CSMD3: variants seen among roughly 807,000 people sequenced by gnomAD.
CSMD3 encodes CUB and sushi domain-containing protein 3.
CSMD3 carries 177 observed loss-of-function variants against 435.2 expected under a neutral mutation model. That is an observed-to-expected ratio of 0.41 (90% CI 0.36 to 0.46). The LOEUF (loss-of-function observed/expected upper bound fraction) is 0.46. CSMD3 is among the 20% of genes least tolerant of loss of function. The pLI, the probability that CSMD3 is intolerant of heterozygous loss-of-function variation, is 0.34. For synonymous variants in CSMD3, 1,656 were observed against 1,520.5 expected (o/e 1.09, Z -2.07); for missense variants, 4,265 against 4,504.6 (o/e 0.95, Z 1.52).
At chr8:112,480,359 C>G (rs1819512388) in intron 31 of CSMD3, among the ~76,000 whole-genome samples, 1 of 152,068 alleles carries the variant, frequency 6.6e-6, no homozygotes, top group Admixed American at 6.6e-5. Flanking sequence ...TGATTTAAGA[C>G]TTTTGAGAAC....
At chr8:112,315,729 T>G (rs940398585) in intron 47 of CSMD3, among the ~76,000 whole-genome samples, 17 of 151,886 alleles carry the variant, frequency 1.1e-4, no homozygotes, top group Non-Finnish European at 4.4e-5. Flanking sequence ...ACTGAATGAA[T>G]GGGTGAACTA....
chr8:112,231,733 A>G (rs1451701055), intron 68 of CSMD3, 101 bp from the exon 69 acceptor site: 38 of 816,398 alleles, frequency 4.7e-5, no homozygotes, highest in Admixed American at 3.0e-4. Flanking sequence ...AAATATTATC[A>G]CAAGTTCCTT....
chr8:112,903,373 T>C (rs954425339), intron 10 of CSMD3, among the ~76,000 whole-genome samples: 2 of 151,084 alleles, frequency 1.3e-5, no homozygotes, highest in African/African-American at 4.8e-5. Flanking sequence ...TTACAAAAAT[T>C]CCCTTGTTCC....
intron 3 of CSMD3, among the ~76,000 whole-genome samples, chr8:113,174,475 C>T (rs1029117589): frequency 1.7e-4 from 26 of 151,938 alleles, no homozygotes; most frequent in Non-Finnish European, 3.5e-4. Flanking sequence ...GTGTATACTA[C>T]GAATGATAAT....
intron 12 of CSMD3, among the ~76,000 whole-genome samples, chr8:112,807,905 T>C (rs2079131221): frequency 6.6e-6 from 1 of 152,112 alleles, no homozygotes; most frequent in African/African-American, 2.4e-5. Context: ...ACTATGAAAA[T>C]TACCTAATAA....
At chr8:112,496,216 G>A (rs750221678) in intron 30 of CSMD3, among the ~76,000 whole-genome samples, 17 of 152,046 alleles carry the variant, frequency 1.1e-4, no homozygotes, top group East Asian at 1.9e-4. Context: ...TGATCCACCC[G>A]CCTCGGCCTC....
At chr8:113,013,667 A>C (rs2086342709) in intron 6 of CSMD3, among the ~76,000 whole-genome samples, 1 of 152,068 alleles carries the variant, frequency 6.6e-6, no homozygotes, top group South Asian at 2.1e-4. Context: ...TAGATAGCTA[A>C]TCTTCAGGAA....
chr8:113,033,690 G>A (rs1182041895), intron 5 of CSMD3, among the ~76,000 whole-genome samples: 2 of 151,136 alleles, frequency 1.3e-5, no homozygotes, highest in Non-Finnish European at 3.0e-5. Flanking sequence ...GTTAATGCTG[G>A]AATAAGTTAA....
intron 13 of CSMD3, among the ~76,000 whole-genome samples, chr8:112,765,873 A>T (rs926887289): frequency 7.9e-5 from 12 of 151,680 alleles, no homozygotes; most frequent in Admixed American, 1.3e-4. Context: ...CCTGACTCTA[A>T]TATATAATAA....
chr8:113,286,706 T>TAAAA (rs143953579), intron 2 of CSMD3, among the ~76,000 whole-genome samples: 32 of 146,928 alleles, frequency 2.2e-4, no homozygotes, highest in African/African-American at 7.9e-4. Context: ...TCTAAGAATG[T>TAAAA]AAAAAAAAAA....
intron 12 of CSMD3, among the ~76,000 whole-genome samples, chr8:112,815,937 G>T (rs558151529): frequency 3.3e-5 from 5 of 152,112 alleles, no homozygotes; most frequent in South Asian, 2.1e-4. Context: ...ATTTATTATT[G>T]CCCTATAGCA....
intron 10 of CSMD3, among the ~76,000 whole-genome samples, chr8:112,875,894 G>T (rs1217330446): frequency 6.6e-6 from 1 of 151,892 alleles, no homozygotes; most frequent in Non-Finnish European, 1.5e-5. Flanking sequence ...GTTTGTTATT[G>T]CCCACCTTCT....
intron 1 of CSMD3, among the ~76,000 whole-genome samples, chr8:113,375,514 T>C (rs113278005): frequency 2.9e-5 from 2 of 69,228 alleles, no homozygotes; most frequent in Admixed American, 2.0e-4. Flanking sequence ...GACTATTTAA[T>C]ACACACACAC....
At chr8:112,611,743 A>G (rs1186945168) in intron 22 of CSMD3, among the ~76,000 whole-genome samples, 1 of 152,186 alleles carries the variant, frequency 6.6e-6, no homozygotes, top group Non-Finnish European at 1.5e-5. Context: ...AATGAAATTA[A>G]ATTCAGAATG....
intron 9 of CSMD3, among the ~76,000 whole-genome samples, chr8:112,927,753 A>C (rs949396158): frequency 1.3e-5 from 2 of 152,108 alleles, no homozygotes; most frequent in African/African-American, 4.8e-5. Flanking sequence ...TGACCTTATA[A>C]AATTAATGTC....
At chr8:113,058,988 G>T (rs994933852) in intron 5 of CSMD3, among the ~76,000 whole-genome samples, 2 of 151,920 alleles carry the variant, frequency 1.3e-5, no homozygotes, top group Admixed American at 6.6e-5. Flanking sequence ...CATGGCAAAA[G>T]GTAAGTGGTA....
chr8:113,238,402 T>G (rs1222256803), intron 3 of CSMD3, among the ~76,000 whole-genome samples: 2 of 152,090 alleles, frequency 1.3e-5, no homozygotes, highest in Non-Finnish European at 1.5e-5. Flanking sequence ...GTTAGACCAG[T>G]TGAATTTTGG....
At chr8:112,500,840 C>T (rs1011451420) in intron 30 of CSMD3, among the ~76,000 whole-genome samples, 6 of 152,106 alleles carry the variant, frequency 3.9e-5, no homozygotes. Flanking sequence ...CTTCTGTTTG[C>T]CAAACCATGA....
At chr8:113,248,177 A>G (rs548778686) in intron 3 of CSMD3, among the ~76,000 whole-genome samples, 18 of 152,004 alleles carry the variant, frequency 1.2e-4, no homozygotes, top group Admixed American at 4.6e-4. Flanking sequence ...AATTTAATGA[A>G]GCATAAATTG....
Sources: allele counts gnomAD v4.1 joint callset (sites outside exome capture counted in the v4.1 genomes callset), GRCh38; gene constraint gnomAD v4.1.1; transcripts MANE v1.5; gene names NCBI Gene and HGNC (gene_info 2026-07-23, HGNC 2026-07-21).